The following CLCN7 variants were observed in gnomAD, a reference collection of about 807,000 sequenced individuals.
CLCN7 encodes H(+)/Cl(-) exchange transporter 7.
In CLCN7, 60 loss-of-function variants were observed where a neutral mutation model predicts 102.1. The observed-to-expected ratio is 0.59, with a 90% CI of 0.48 to 0.73. The LOEUF is 0.73. Among genes scored for constraint, CLCN7 ranks in the 30% least tolerant of loss-of-function variants. CLCN7 has a pLI of 0.00. For synonymous variants in CLCN7, 560 were observed against 490.5 expected (o/e 1.14, Z -1.87); for missense variants, 962 against 1,125.7 (o/e 0.85, Z 2.08).
At chr16:1,472,210 A>C (rs2039087969) in intron 1 of CLCN7, among the ~76,000 whole-genome samples, 2 of 152,272 alleles carry the variant, frequency 1.3e-5, no homozygotes, top group African/African-American at 4.8e-5. Context: ...CAAACAAATA[A>C]GCTTACAATG....
intron 7 of CLCN7, among the ~76,000 whole-genome samples, chr16:1,458,644 A>G (rs1018047468): frequency 2.6e-5 from 4 of 152,226 alleles, no homozygotes; most frequent in African/African-American, 9.6e-5. Context: ...CTAAGGAACG[A>G]TGGCGGCACA....
rs1015692728 is a variant in CLCN7, at chr16:1,474,958, T to A, written c.17A>T (p.Lys6Met). The A allele has an allele frequency of 6.7e-7, 1 of 1,488,440 alleles. No individual in the cohort carries two copies. Among genetic ancestry groups the A allele is most frequent in the African/African-American group, 1.5e-5 (1 of 68,698 alleles). 92.2% of individuals were successfully genotyped at this position (1,488,440 alleles called of 1,614,324 possible). ...GTCCCGGCCGGACCAGGACACCTTC[T>A]TAGAGACGTTGGCCATGGCCCGCCG... MANVS[K>M]KVSWSGRDRD... Residue 6 changes from lysine (K) to methionine (M), a missense_variant, in exon 1 of 25, where the codon AAG (lysine) becomes ATG (methionine). By Grantham distance (95) the Lys-to-Met change is moderately conservative. This residue lies in a region of CLCN7 where 163 missense variants were observed against 137.7 expected (regional missense o/e 1.18). Transcript: ENST00000382745.
rs781172012 is a variant in CLCN7, at chr16:1,450,526, T to G, written c.1588A>C (p.Ile530Leu). 1.2e-6 allele frequency: 2 copies of G among 1,608,674 alleles called. No individual in the cohort carries two copies. Among genetic ancestry groups the G allele is most frequent in the African/African-American group, 2.7e-5 (2 of 74,754 alleles). ...GCCCCCGTGAGGTAGGACAGGGAGA[T>G]CCCAAAGAGCCGGCCCCAGGCAGCC... ...IGAAWGRLFGISLSYLTGAAI... is the reference protein window; with the variant it reads ...IGAAWGRLFGLSLSYLTGAAI... Residue 530 changes from isoleucine to leucine, a missense_variant, in exon 17 of 25, where the codon ATC (isoleucine) becomes CTC (leucine). This residue lies in a region of CLCN7 where 799 missense variants were observed against 988.0 expected (regional missense o/e 0.81). Transcript: ENST00000382745.
At position 1,457,219 on chromosome 16, in the gene CLCN7, CA is replaced by C; in HGVS notation, c.822+34del. ...GTGGTGCCCGTGCCCGTGCCCATGG[CA>C]TCTGGAGCCCACCCACACAAGATTT... On this transcript the variant is annotated intron_variant, in intron 9 of 24. Transcript: ENST00000382745. The surrounding 1 kb of genome is among the most constrained non-coding windows in gnomAD (Gnocchi z 5.4). The C allele has an allele frequency of 6.3e-7, 1 of 1,590,008 alleles. No individual in the cohort carries two copies.
At chr16:1,469,084 T>TAATC (rs1371345556) in intron 1 of CLCN7, among the ~76,000 whole-genome samples, 2 of 149,770 alleles carry the variant, frequency 1.3e-5, no homozygotes, top group African/African-American at 2.5e-5. Flanking sequence ...TGCACACCTG[T>TAATC]AATCCCAGCT....
At chr16:1,448,513 C>G (rs775952252) in intron 20 of CLCN7, 29 bp from the exon 21 acceptor site, 2 of 1,605,934 alleles carry the variant, frequency 1.2e-6, no homozygotes, top group Non-Finnish European at 8.5e-7. Flanking sequence ...CACACATGCC[C>G]GTCACACGCC....
chr16:1,462,676 A>AC (rs1555466082), intron 2 of CLCN7, among the ~76,000 whole-genome samples: 1 of 140,220 alleles, frequency 7.1e-6, no homozygotes, highest in African/African-American at 2.8e-5. Flanking sequence ...AAAAAAAAAA[A>AC]AAAAAAAAAA....
At chr16:1,474,084 C>CA (rs55927314) in intron 1 of CLCN7, 164,639 of 395,266 alleles carry the variant, frequency 0.42, 20,591 homozygotes, top group African/African-American at 0.71. Flanking sequence ...AACTCCGTCT[C>CA]AAAAAAAAAA....
chr16:1,447,298 TG>T, intron 23 of CLCN7, 93 bp downstream of exon 23: 1 of 1,329,124 alleles, frequency 7.5e-7, no homozygotes, highest in Admixed American at 2.1e-5. Flanking sequence ...CTCTCCGCTG[TG>T]GCCCCCCCCG....
chr16:1,452,333 T>C, intron 15 of CLCN7: 1 of 260,018 alleles, frequency 3.8e-6, no homozygotes, highest in Non-Finnish European at 7.6e-6. Context: ...GTGGTTCCTC[T>C]GAGCGTAGTG....
rs150325021 is a variant in CLCN7 at position 1,445,455 on chromosome 16, G to A, written c.*1176C>T. The stretch of plus-strand genomic sequence containing the variant: ...CTCCCGGGGAGGCCCCACTCCCTGG[G>A]GAGGAAATACACGGCAGGGGGCCGC... On this transcript the variant is annotated 3_prime_UTR_variant, in exon 25 of 25. Transcript: ENST00000382745. The A allele has an allele frequency of 0.033, 5,025 of 152,496 alleles. 126 individuals are homozygous for A. Among genetic ancestry groups the A allele is most frequent in the Middle Eastern group, 0.051 (15 of 296 alleles). 9.4% of individuals were successfully genotyped at this position (152,496 alleles called of 1,614,324 possible).
At chr16:1,473,787 A>G (rs2039112045) in intron 1 of CLCN7, among the ~76,000 whole-genome samples, 1 of 152,154 alleles carries the variant, frequency 6.6e-6, no homozygotes, top group Non-Finnish European at 1.5e-5. Flanking sequence ...CATTAACTCA[A>G]AAGTAACACA....
chr16:1,451,364 GC>G (rs1177278921), intron 16 of CLCN7, among the ~76,000 whole-genome samples: 1 of 152,198 alleles, frequency 6.6e-6, no homozygotes, highest in Non-Finnish European at 1.5e-5. Context: ...TACTACCGTA[GC>G]CAGATAATGT....
rs1361452118 is a variant in CLCN7 at position 1,446,607 on chromosome 16, G to A, written c.*24C>T. ...GAAGGGCCGGGGTGCCAGCGCCAGT[G>A]CCCATTATGGGCAGGGCTGGGCCTC... On this transcript the variant is annotated 3_prime_UTR_variant, in exon 25 of 25. Transcript: ENST00000382745. 3.2e-6 allele frequency: 5 copies of A among 1,543,002 alleles called. No homozygotes were observed. In the East Asian group the frequency reaches 9.7e-5, roughly 30 times the overall value.
chr16:1,446,925 C>T, intron 24 of CLCN7, 81 bp downstream of exon 24: 1 of 1,348,016 alleles, frequency 7.4e-7, no homozygotes, highest in Non-Finnish European at 1.0e-6. Flanking sequence ...GTGTCCCCTG[C>T]CGGGAGCTGA....
intron 1 of CLCN7, among the ~76,000 whole-genome samples, chr16:1,468,067 G>GGCAAGACCCT (rs2039029411): frequency 6.6e-6 from 1 of 151,930 alleles, no homozygotes; most frequent in African/African-American, 2.4e-5. Context: ...TGGGCAACAC[G>GGCAAGACCCT]GCAAGACCCT....
chr16:1,474,884 C>T lies in CLCN7; in HGVS notation c.91G>A (p.Gly31Ser). The T allele has an allele frequency of 6.9e-7, 1 of 1,448,856 alleles. No homozygotes were observed. Among genetic ancestry groups the T allele is most frequent in the South Asian group, 1.3e-5 (1 of 75,358 alleles). The allele number at this position is 1,448,856 out of a possible 1,614,324, so 89.8% of individuals were successfully genotyped here. ...CCGTTCAGCAGCGGCGTCCCCCCGC[C>T]GGGCCGCGCCGTCCTCCGCAGCAGC... ...APLLRRTARP[G>S]GGTPLLNGAG... The change falls in exon 1 of 25, where the codon GGC (glycine) becomes AGC (serine). Residue 31 changes from glycine (G) to serine (S), a missense_variant. Transcript: ENST00000382745.
intron 1 of CLCN7, among the ~76,000 whole-genome samples, chr16:1,468,060 G>A (rs969927030): frequency 2.0e-5 from 3 of 152,050 alleles, no homozygotes; most frequent in African/African-American, 7.2e-5. Context: ...TCCAGCCTGG[G>A]CAACACGGCA....
chr16:1,461,449 C>G lies in CLCN7; in HGVS notation c.307G>C (p.Glu103Gln). The change falls in exon 4 of 25, where the codon GAG becomes CAG. Residue 103 changes from glutamate to glutamine, a missense_variant. Coordinates refer to ENST00000382745, the MANE Select transcript of CLCN7 (RefSeq NM_001287.6). ...KYESLDYDNS[E>Q]NQLFLEEERR... is the part of the protein sequence containing the mutation. ...TCCTCCTCCAGGAACAGCTGGTTCT[C>G]ACTGTTGTCATAGTCCAAGCTCTGC... The G allele has an allele frequency of 6.4e-7, 1 of 1,564,236 alleles. No homozygotes were observed. The highest frequency in any genetic ancestry group is 1.2e-5 in the South Asian group (1 of 85,320).
Sources: gnomAD v4.1 joint callset for allele counts (sites outside exome capture counted in the v4.1 genomes callset) on GRCh38, gnomAD v4.1.1 for gene constraint, gnomAD v4.1.1 regional missense constraint, Gnocchi (gnomAD v3.1) non-coding constraint, MANE v1.5 for transcripts, NCBI Gene and HGNC (gene_info 2026-07-23, HGNC 2026-07-21) for gene names.